The following GLIS3 variants were observed in gnomAD, a reference collection of about 807,000 sequenced individuals.
GLIS3 encodes zinc finger protein GLIS3.
GLIS3 carries 53 observed loss-of-function variants against 78.6 expected under a neutral mutation model. The observed-to-expected ratio is 0.67, with a 90% CI of 0.54 to 0.85. The LOEUF (loss-of-function observed/expected upper bound fraction) is 0.85. GLIS3 is among the 40% of genes least tolerant of loss of function. The probability of loss-of-function intolerance (pLI) is 0.00; values close to 1 mark genes in which losing one functional copy is unlikely to be tolerated. For missense variants in GLIS3, 1,703 were observed against 1,231.1 expected (o/e 1.38, Z -5.74); for synonymous variants, 684 against 509.9 (o/e 1.34, Z -4.60).
intron 8 of GLIS3, among the ~76,000 whole-genome samples, chr9:3,866,696 A>G (rs2130348393): frequency 1.3e-5 from 2 of 152,294 alleles, no homozygotes; most frequent in Middle Eastern, 6.8e-3. Context: ...AAACAAGGGA[A>G]TTGACGATAG....
chr9:4,199,267 G>T (rs1819144041), intron 2 of GLIS3, among the ~76,000 whole-genome samples: 1 of 152,024 alleles, frequency 6.6e-6, no homozygotes, highest in African/African-American at 2.4e-5. Flanking sequence ...GCACAGAGTG[G>T]CAAGTTGGAT....
intron 8 of GLIS3, among the ~76,000 whole-genome samples, chr9:3,867,738 TGTGTGTGTGTGTGTGTGA>T (rs1820689771): frequency 1.3e-5 from 2 of 150,728 alleles, no homozygotes; most frequent in Non-Finnish European, 3.0e-5. Flanking sequence ...TGCGTGCGTG[TGTGTGTGTGTGTGTGTGA>T]GTGCATGTGT....
intron 2 of GLIS3, among the ~76,000 whole-genome samples, chr9:4,128,258 A>G (rs1489848446): frequency 6.6e-6 from 1 of 152,190 alleles, no homozygotes; most frequent in Non-Finnish European, 1.5e-5. Context: ...ACTACCTGTT[A>G]GGCAGATCTG....
Position 4,054,474 on chromosome 9 carries a change from A to G in GLIS3, c.1710+63294T>C, listed in dbSNP as rs146903548. Reference sequence around the variant, plus strand: ...GGATGTGCTCTGGAGTGAATTCTTCAGTCAGGGCCTACGGGTTCTGCAGGT... The same window carrying G: ...GGATGTGCTCTGGAGTGAATTCTTCGGTCAGGGCCTACGGGTTCTGCAGGT... On this transcript the variant is annotated intron_variant, in intron 4 of 10. Transcript: ENST00000381971. 2.8e-3 allele frequency: 2,798 copies of G among 985,434 alleles called. 8 individuals are homozygous for G. Among genetic ancestry groups the G allele is most frequent in the Non-Finnish European group, 3.2e-3 (2,622 of 829,922 alleles). 61.0% of individuals were successfully genotyped at this position (985,434 alleles called of 1,614,324 possible).
intron 4 of GLIS3, chr9:4,054,248 T>C (rs1310305838): frequency 2.7e-6 from 2 of 748,592 alleles, no homozygotes; most frequent in Non-Finnish European, 3.3e-6. Flanking sequence ...AGAGATCTCA[T>C]CCTTCACGGT....
chr9:4,464,638 ACCTCCTTTGG>A, the GLIS3 span, among the ~76,000 whole-genome samples: 5 of 152,052 alleles, frequency 3.3e-5, no homozygotes, highest in African/African-American at 9.7e-5. Flanking sequence ...CAAGTGATCC[ACCTCCTTTGG>A]CCTCCCAAAG....
chr9:4,321,605 G>A (rs1817530443), intron 2 of GLIS3, among the ~76,000 whole-genome samples: 4 of 78,728 alleles, frequency 5.1e-5, no homozygotes, highest in Admixed American at 2.2e-4. Flanking sequence ...CCCCAGTATC[G>A]AGAGCATTAC....
At chr9:4,053,444 C>T (rs1825884148) in intron 4 of GLIS3, among the ~76,000 whole-genome samples, 1 of 152,090 alleles carries the variant, frequency 6.6e-6, no homozygotes, top group African/African-American at 2.4e-5. Context: ...CTTCACAGCA[C>T]TTTCAGATTC....
chr9:4,177,983 G>C (rs10974367), intron 2 of GLIS3, among the ~76,000 whole-genome samples: 2 of 152,208 alleles, frequency 1.3e-5, no homozygotes, highest in Non-Finnish European at 2.9e-5. Context: ...CTGAAACTGA[G>C]TGTCAAAGCA....
intron 4 of GLIS3, among the ~76,000 whole-genome samples, chr9:4,065,120 G>A (rs1305869291): frequency 2.0e-5 from 3 of 152,050 alleles, no homozygotes; most frequent in South Asian, 2.1e-4. Context: ...TTCTTCTGTC[G>A]GCCTAGATTT....
intron 2 of GLIS3, among the ~76,000 whole-genome samples, chr9:4,140,019 G>A (rs1400906880): frequency 6.6e-6 from 1 of 152,146 alleles, no homozygotes; most frequent in South Asian, 2.1e-4. Context: ...CAAAATCGCA[G>A]CCAATTCTTC....
At chr9:4,026,709 T>C (rs562460889) in intron 4 of GLIS3, among the ~76,000 whole-genome samples, 81 of 152,220 alleles carry the variant, frequency 5.3e-4, no homozygotes, top group Non-Finnish European at 1.1e-3. Flanking sequence ...AGCATATTTA[T>C]TGGACTATTT....
At chr9:4,478,058 C>T in the GLIS3 span, among the ~76,000 whole-genome samples, 2 of 152,088 alleles carry the variant, frequency 1.3e-5, no homozygotes, top group African/African-American at 2.4e-5. Context: ...GGAACCTGAA[C>T]GCTTTAGAGA....
At chr9:4,457,086 G>C in the GLIS3 span, among the ~76,000 whole-genome samples, 1 of 152,126 alleles carries the variant, frequency 6.6e-6, no homozygotes, top group African/African-American at 2.4e-5. Flanking sequence ...ATTTGAACTG[G>C]GTACGATGGC....
At chr9:4,384,405 A>G in the GLIS3 span, among the ~76,000 whole-genome samples, 1 of 152,096 alleles carries the variant, frequency 6.6e-6, no homozygotes, top group Non-Finnish European at 1.5e-5. Context: ...AGTTGTCAAT[A>G]TCAGCTTTGT....
At chr9:4,348,172 T>G (rs1817918418) in intron 1 of GLIS3, 1 of 152,212 alleles carries the variant, frequency 6.6e-6, no homozygotes, top group Admixed American at 6.5e-5. Flanking sequence ...TGTGTTAGAA[T>G]TAGGTTTGTC....
chr9:4,316,334 A>C (rs1307098562), intron 2 of GLIS3, among the ~76,000 whole-genome samples: 1 of 152,344 alleles, frequency 6.6e-6, no homozygotes, highest in Non-Finnish European at 1.5e-5. Context: ...TTTAAAATAC[A>C]TATTCATTTT....
At chr9:4,125,695 A>G in intron 3 of GLIS3, 39 bp downstream of exon 3, 1 of 1,438,822 alleles carries the variant, frequency 7.0e-7, no homozygotes, top group Non-Finnish European at 9.8e-7. Context: ...GGGTGTGTTT[A>G]TACCATAAAG....
chr9:4,217,826 C>T (rs1820988042), intron 2 of GLIS3, among the ~76,000 whole-genome samples: 1 of 152,144 alleles, frequency 6.6e-6, no homozygotes, highest in African/African-American at 2.4e-5. Context: ...AAAGGGATTT[C>T]CGTGGAATTA....
Sources: gnomAD v4.1 joint callset for allele counts (sites outside exome capture counted in the v4.1 genomes callset) on GRCh38, gnomAD v4.1.1 for gene constraint, MANE v1.5 for transcripts, NCBI Gene and HGNC (gene_info 2026-07-23, HGNC 2026-07-21) for gene names.